The following JAKMIP3 variants were observed in gnomAD, a reference collection of about 807,000 sequenced individuals.
The protein encoded by JAKMIP3 is janus kinase and microtubule-interacting protein 3.
JAKMIP3 carries 58 observed loss-of-function variants against 118.5 expected under a neutral mutation model. The ratio of observed to expected loss-of-function variants is 0.49; its 90% CI spans 0.40 to 0.61. The LOEUF (loss-of-function observed/expected upper bound fraction) is 0.61, where lower values mean the gene tolerates loss of function less well. JAKMIP3 is among the 20% of genes least tolerant of loss of function. The probability of loss-of-function intolerance (pLI) is 0.00; values close to 1 mark genes in which losing one functional copy is unlikely to be tolerated. For synonymous variants in JAKMIP3, 486 were observed against 451.2 expected (o/e 1.08, Z -0.98); for missense variants, 950 against 1,109.0 (o/e 0.86, Z 2.04).
chr10:132,084,667 T>C (rs2042165654), intron 1 of JAKMIP3, among the ~76,000 whole-genome samples: 1 of 152,202 alleles, frequency 6.6e-6, no homozygotes, highest in Non-Finnish European at 1.5e-5. Flanking sequence ...TCAGAGGGAA[T>C]GCTTTCAGCT....
Position 132,164,723 on chromosome 10 carries a change from A to G in JAKMIP3, c.2478A>G (p.Glu826=), listed in dbSNP as rs141466303. Residue 826 remains glutamate, a synonymous_variant, in exon 21 of 24, where the codon GAA becomes GAG. Transcript: ENST00000684848. ...RIEAQKRQIK[E]LEEKFLFLFL... ...AAGCTCAGAAGAGACAAATAAAGGA[A>G]CTGGAGGAAAAGGTAAAACAAATGC... 77 of 1,602,836 alleles carry G rather than the reference A, an allele frequency of 4.8e-5. No homozygotes were observed. The East Asian group carries it at 1.7e-3, about 36-fold the overall frequency.
Position 132,180,616 on chromosome 10 carries a change from C to CGTGCGCGT in JAKMIP3, c.*1104-1738_*1104-1737insCGCGTGTG, listed in dbSNP as rs2060878381. ...GTGTGTGCGTGCGCGTGTGTGTGTG[C>CGTGCGCGT]GTGTGTGTGCGTGTGTGCGTGCGTG... On this transcript the variant is annotated intron_variant, in intron 23 of 23. Transcript: ENST00000684848. Among the ~76,000 whole-genome samples, 10 of 14,604 alleles carry CGTGCGCGT rather than the reference C, an allele frequency of 6.8e-4. 1 individual carries two copies. The highest frequency in any genetic ancestry group is 2.7e-3 in the Admixed American group (3 of 1,110). 9.6% of individuals were successfully genotyped at this position (14,604 alleles called of 152,430 possible). A position where few individuals can be genotyped will look rare whatever the true frequency, so the allele number is the denominator to read the frequency against.
intron 2 of JAKMIP3, among the ~76,000 whole-genome samples, chr10:132,113,591 T>A (rs937887090): frequency 5.9e-5 from 9 of 152,238 alleles, no homozygotes; most frequent in African/African-American, 2.2e-4. Context: ...AATAGAGGAA[T>A]TCCTCATCAT....
chr10:132,044,987 C>G lies in JAKMIP3; in HGVS notation c.-138+8249C>G, dbSNP rs144781884. 2.6e-5 allele frequency among the ~76,000 whole-genome samples: 4 copies of G among 152,142 alleles called. No homozygotes were observed. The highest frequency in any genetic ancestry group is 2.1e-4 in the South Asian group (1 of 4,822). Reference sequence around the variant, plus strand: ...AGGGATGTGCGTTTTGCTGACTCATCATCCGCGGGTGGACACTGGGGGGCT... The same window carrying G: ...AGGGATGTGCGTTTTGCTGACTCATGATCCGCGGGTGGACACTGGGGGGCT... On this transcript the variant is annotated intron_variant, in intron 1 of 23. Coordinates refer to the JAKMIP3 transcript ENST00000657785. This position sits in a 1 kb window ranked among gnomAD's most constrained non-coding sequence, Gnocchi z 5.3.
chr10:132,075,869 C>T (rs2040709528), intron 1 of JAKMIP3, among the ~76,000 whole-genome samples: 1 of 152,130 alleles, frequency 6.6e-6, no homozygotes, highest in African/African-American at 2.4e-5. Context: ...AATTCAGTTT[C>T]CATTTGACAA....
chr10:132,077,864 C>T (rs1000899615), intron 1 of JAKMIP3, among the ~76,000 whole-genome samples: 20 of 151,860 alleles, frequency 1.3e-4, no homozygotes, highest in Admixed American at 4.6e-4. Context: ...CAGGCTGGAG[C>T]GCAATGGCAT....
intron 1 of JAKMIP3, among the ~76,000 whole-genome samples, chr10:132,055,925 C>T (rs1339970845): frequency 6.6e-6 from 1 of 152,218 alleles, no homozygotes; most frequent in Non-Finnish European, 1.5e-5. Flanking sequence ...TTCCAGCTGT[C>T]ATTTTCCCTG....
intron 2 of JAKMIP3, among the ~76,000 whole-genome samples, chr10:132,105,689 G>A (rs9419199): frequency 0.17 from 26,402 of 152,156 alleles, 2,336 homozygotes; most frequent in East Asian, 0.29. Flanking sequence ...ATTAAGAAGT[G>A]TGCCCAGGTT....
intron 2 of JAKMIP3, among the ~76,000 whole-genome samples, chr10:132,115,713 A>G (rs1274413619): frequency 6.6e-6 from 1 of 152,252 alleles, no homozygotes; most frequent in Non-Finnish European, 1.5e-5. Flanking sequence ...TTCTCTGGAA[A>G]TAAGATGTAA....
chr10:132,130,447 A>G (rs902634), intron 3 of JAKMIP3, among the ~76,000 whole-genome samples: 119,714 of 152,242 alleles, frequency 0.79, 48,112 homozygotes, highest in East Asian at 0.99. Context: ...CACCACCCAC[A>G]GAACCAAGAG....
At chr10:132,152,859 A>G (rs2136207454) in intron 16 of JAKMIP3, 99 bp from the exon 17 acceptor site, 1 of 925,590 alleles carries the variant, frequency 1.1e-6, no homozygotes, top group East Asian at 2.7e-5. Flanking sequence ...AGGCGTCCCC[A>G]GTCAGCCTCC....
At chr10:132,159,767 A>G (rs71512280) in intron 19 of JAKMIP3, among the ~76,000 whole-genome samples, 2,552 of 6,900 alleles carry the variant, frequency 0.37, 359 homozygotes, top group African/African-American at 0.49. Flanking sequence ...CCTGTGTGAT[A>G]CTGGGGGGTC....
At chr10:132,121,055 G>A (rs932871721) in intron 3 of JAKMIP3, among the ~76,000 whole-genome samples, 2 of 152,318 alleles carry the variant, frequency 1.3e-5, no homozygotes, top group Admixed American at 6.5e-5. Flanking sequence ...GGCTGGGACA[G>A]AAAAGTGGGA....
intron 14 of JAKMIP3, 88 bp downstream of exon 14, chr10:132,148,138 A>ATGAACG (rs2136090759): frequency 1.5e-6 from 1 of 653,872 alleles, no homozygotes. Flanking sequence ...AGCCCTGAAC[A>ATGAACG]TGAACATGAA....
chr10:132,109,952 C>T (rs1039877213), intron 2 of JAKMIP3, among the ~76,000 whole-genome samples: 1 of 152,242 alleles, frequency 6.6e-6, no homozygotes, highest in Non-Finnish European at 1.5e-5. Flanking sequence ...GAAGTCTTTA[C>T]TGTGTCCGTG....
intron 1 of JAKMIP3, among the ~76,000 whole-genome samples, chr10:132,046,801 C>T (rs1359504501): frequency 6.6e-6 from 1 of 152,202 alleles, no homozygotes; most frequent in African/African-American, 2.4e-5. Flanking sequence ...AAGTAGAGAG[C>T]TATCTGGGCC....
intron 1 of JAKMIP3, among the ~76,000 whole-genome samples, chr10:132,078,824 C>A (rs1288044073): frequency 6.6e-6 from 1 of 152,220 alleles, no homozygotes; most frequent in Non-Finnish European, 1.5e-5. Context: ...GAACCTCCCC[C>A]GAGCGTGTTC....
rs367968939 is a variant in JAKMIP3 at position 132,152,919 on chromosome 10, C to T, written c.2008-39C>T. 3.2e-6 allele frequency: 5 copies of T among 1,540,954 alleles called. No individual in the cohort carries two copies. The African/African-American group carries it at 4.1e-5, about 13-fold the overall frequency. ...TCACTCACCCTCACCCCCAAAGGCACTGCTTCTGACCGCACCTGTGTTCTG... is the reference window on the plus strand; with the variant it reads ...TCACTCACCCTCACCCCCAAAGGCATTGCTTCTGACCGCACCTGTGTTCTG... On this transcript the variant is annotated intron_variant, in intron 16 of 23. Transcript: ENST00000684848.
At chr10:132,146,639 C>T (rs1361089051) in intron 13 of JAKMIP3, among the ~76,000 whole-genome samples, 3 of 152,190 alleles carry the variant, frequency 2.0e-5, no homozygotes, top group African/African-American at 7.2e-5. Context: ...GGTAGCCTGG[C>T]TGATGAGTCT....
Sources: allele counts gnomAD v4.1 joint callset (sites outside exome capture counted in the v4.1 genomes callset), GRCh38; gene constraint gnomAD v4.1.1; non-coding constraint Gnocchi (gnomAD v3.1); transcripts MANE v1.5; gene names NCBI Gene and HGNC (gene_info 2026-07-23, HGNC 2026-07-21).